Variants in PTPRN2 observed in about 807,000 individuals in gnomAD.
PTPRN2 encodes the protein receptor-type tyrosine-protein phosphatase N2.
A neutral mutation model predicts 118.8 loss-of-function variants in PTPRN2; 74 were observed. That is an observed-to-expected ratio of 0.62 (90% CI 0.52 to 0.76). The LOEUF (loss-of-function observed/expected upper bound fraction) is 0.76, where lower values mean the gene tolerates loss of function less well. PTPRN2 is among the 30% of genes least tolerant of loss of function. The pLI is 0.00. For missense variants in PTPRN2, 1,481 were observed against 1,394.4 expected, an observed-to-expected ratio of 1.06 and a Z score of -0.99; for synonymous variants, 641 against 608.0, an observed-to-expected ratio of 1.05 and a Z score of -0.80.
At chr7:158,337,398 G>A (rs537694890) in intron 2 of PTPRN2, among the ~76,000 whole-genome samples, 1,370 of 130,336 alleles carry the variant, frequency 0.011, 16 homozygotes, top group African/African-American at 0.042. Context: ...GGTAACACCT[G>A]CAGACGTCCC....
chr7:157,682,112 G>GT (rs1340255780), intron 13 of PTPRN2, among the ~76,000 whole-genome samples: 2 of 152,198 alleles, frequency 1.3e-5, no homozygotes, highest in Non-Finnish European at 2.9e-5. Flanking sequence ...AAACTCTGTG[G>GT]TTTTTTAAAA....
intron 14 of PTPRN2, among the ~76,000 whole-genome samples, chr7:157,644,531 C>G (rs562744410): frequency 1.2e-4 from 18 of 152,308 alleles, no homozygotes; most frequent in African/African-American, 4.3e-4. Context: ...GGCGCGGTGG[C>G]TCATGCCTGT....
chr7:158,164,831 C>T (rs994582746), intron 6 of PTPRN2, among the ~76,000 whole-genome samples: 4 of 152,066 alleles, frequency 2.6e-5, no homozygotes, highest in African/African-American at 7.2e-5. Flanking sequence ...CAGCCGGTGC[C>T]GGGGAGGGGC....
intron 11 of PTPRN2, chr7:158,030,596 T>C (rs1168348606): frequency 6.6e-6 from 1 of 152,248 alleles, no homozygotes; most frequent in East Asian, 1.9e-4. Context: ...AAGTGCCCAG[T>C]GGGAAGGCGA....
chr7:158,506,223 G>T (rs1822737174), intron 1 of PTPRN2, among the ~76,000 whole-genome samples: 1 of 152,218 alleles, frequency 6.6e-6, no homozygotes, highest in Admixed American at 6.5e-5. Flanking sequence ...GCCATTAGGA[G>T]AACACAGGAA....
At chr7:158,012,077 G>C (rs1806086713) in intron 11 of PTPRN2, among the ~76,000 whole-genome samples, 1 of 152,162 alleles carries the variant, frequency 6.6e-6, no homozygotes, top group South Asian at 2.1e-4. Flanking sequence ...GTTTGTAGGA[G>C]AGCCATTCGT....
rs894483605 is a variant in PTPRN2 at position 157,540,508 on chromosome 7, G to C, written c.*206C>G. On this transcript the variant is annotated 3_prime_UTR_variant, in exon 23 of 23. Coordinates refer to ENST00000389418, the MANE Select transcript of PTPRN2 (RefSeq NM_002847.5). ...TTGATGAACCGATTCCCCTCCACCC[G>C]TAACTGGATTTTTCCACAAATCTCT... is the stretch of plus-strand genomic sequence containing the variant. The C allele has an allele frequency of 2.4e-6, 1 of 425,412 alleles. No individual in the cohort carries two copies. Among genetic ancestry groups the C allele is most frequent in the Non-Finnish European group, 4.2e-6 (1 of 238,838 alleles). The allele number at this position is 425,412 out of a possible 1,614,324, so 26.4% of individuals were successfully genotyped here. A position where few individuals can be genotyped will look rare whatever the true frequency, so the allele number is the denominator to read the frequency against.
intron 11 of PTPRN2, among the ~76,000 whole-genome samples, chr7:157,965,741 C>T (rs1801878662): frequency 1.3e-5 from 2 of 152,188 alleles, no homozygotes; most frequent in South Asian, 4.1e-4. Flanking sequence ...TGCCCCACAC[C>T]CAACTCAACA....
At chr7:158,296,908 G>A (rs1323532524) in intron 3 of PTPRN2, among the ~76,000 whole-genome samples, 2 of 152,336 alleles carry the variant, frequency 1.3e-5, no homozygotes, top group Non-Finnish European at 1.5e-5. Context: ...AAGACCACAG[G>A]TGGACACGCC....
intron 6 of PTPRN2, among the ~76,000 whole-genome samples, chr7:158,155,577 CCATCACCATCATCACCAT>C (rs1821682775): frequency 2.7e-3 from 26 of 9,616 alleles, no homozygotes; most frequent in African/African-American, 7.1e-3. Flanking sequence ...GCCATCATCA[CCATCACCATCATCACCAT>C]CATCATCACC....
chr7:158,405,537 A>G (rs1813338000), intron 2 of PTPRN2, among the ~76,000 whole-genome samples: 1 of 152,222 alleles, frequency 6.6e-6, no homozygotes, highest in African/African-American at 2.4e-5. Context: ...AACAACAAAC[A>G]AAGCCTCCGC....
Position 158,273,557 on chromosome 7 carries a change from G to A in PTPRN2, c.277+43262C>T, listed in dbSNP as rs1178468697. Among the ~76,000 whole-genome samples, 202 of 112,814 alleles carry A rather than the reference G, an allele frequency of 1.8e-3. 49 individuals carry two copies. Among genetic ancestry groups the A allele is most frequent in the Middle Eastern group, 4.3e-3 (1 of 230 alleles). 74.0% of individuals were successfully genotyped at this position (112,814 alleles called of 152,430 possible). On this transcript the variant is annotated intron_variant, in intron 3 of 22. Transcript: ENST00000389418. ...AGACACGGGGAGCCGCAGACACAGGGGGAGCCGCAGGCACAGGGGGAGCCG... is the reference window on the plus strand; with the variant it reads ...AGACACGGGGAGCCGCAGACACAGGAGGAGCCGCAGGCACAGGGGGAGCCG...
chr7:157,922,851 G>A (rs940704300), intron 11 of PTPRN2, among the ~76,000 whole-genome samples: 19 of 152,168 alleles, frequency 1.2e-4, no homozygotes, highest in African/African-American at 4.1e-4. Context: ...GAGGTCACTC[G>A]CTTACAAAAA....
At chr7:157,823,293 T>A (rs1228089762) in intron 12 of PTPRN2, among the ~76,000 whole-genome samples, 1 of 152,224 alleles carries the variant, frequency 6.6e-6, no homozygotes. Flanking sequence ...ATTATTAGAA[T>A]AAGTTCAAGA....
chr7:158,396,913 A>G (rs1390434384), intron 2 of PTPRN2, among the ~76,000 whole-genome samples: 1 of 152,224 alleles, frequency 6.6e-6, no homozygotes, highest in African/African-American at 2.4e-5. Flanking sequence ...AGACAAGGAA[A>G]AAGTACACGA....
At chr7:158,068,543 T>C (rs1455919296) in intron 11 of PTPRN2, among the ~76,000 whole-genome samples, 1 of 152,228 alleles carries the variant, frequency 6.6e-6, no homozygotes, top group Admixed American at 6.5e-5. Context: ...ACTTTAAAAA[T>C]GCATCATCAA....
intron 9 of PTPRN2, among the ~76,000 whole-genome samples, chr7:158,115,016 G>A (rs190618326): frequency 2.0e-5 from 3 of 152,238 alleles, no homozygotes; most frequent in Admixed American, 6.5e-5. Flanking sequence ...TATCAACAGG[G>A]CCTAGGCAAG....
At chr7:158,084,665 C>A (rs1813119389) in intron 10 of PTPRN2, among the ~76,000 whole-genome samples, 1 of 150,532 alleles carries the variant, frequency 6.6e-6, no homozygotes. Flanking sequence ...TCCTCGACGC[C>A]CATCCACACC....
intron 2 of PTPRN2, among the ~76,000 whole-genome samples, chr7:158,409,937 C>T (rs1813902903): frequency 6.6e-6 from 1 of 152,236 alleles, no homozygotes; most frequent in Non-Finnish European, 1.5e-5. Context: ...AACTTGCCTT[C>T]CAAAGTTTTC....
Sources: gnomAD v4.1 joint callset for allele counts (sites outside exome capture counted in the v4.1 genomes callset) on GRCh38, gnomAD v4.1.1 for gene constraint, MANE v1.5 for transcripts, NCBI Gene and HGNC (gene_info 2026-07-23, HGNC 2026-07-21) for gene names.